Variants in RHBDD2 observed in about 807,000 individuals in gnomAD.
RHBDD2 encodes the protein rhomboid domain containing 2, also known as rhomboid domain-containing protein 2.
In RHBDD2, 13 loss-of-function variants were observed where a neutral mutation model predicts 21.7. The observed-to-expected ratio is 0.60, with a 90% CI of 0.39 to 0.95. RHBDD2 has a LOEUF of 0.95. Ranked by LOEUF, RHBDD2 falls within the 40% of genes least tolerant of loss-of-function variation. The pLI, the probability that RHBDD2 is intolerant of heterozygous loss-of-function variation, is 0.00. For missense variants in RHBDD2, 473 were observed against 478.9 expected (o/e 0.99, Z 0.11); for synonymous variants, 225 against 220.0 (o/e 1.02, Z -0.20).
intron 1 of RHBDD2, among the ~76,000 whole-genome samples, chr7:75,880,739 T>G (rs1805275441): frequency 1.3e-5 from 2 of 152,042 alleles, no homozygotes; most frequent in Non-Finnish European, 1.5e-5. Flanking sequence ...CTTCTAAAAT[T>G]TTTTTAGAGA....
intron 3 of RHBDD2, among the ~76,000 whole-genome samples, chr7:75,884,607 G>A (rs1396057146): frequency 6.6e-6 from 1 of 152,212 alleles, no homozygotes; most frequent in Admixed American, 6.5e-5. Context: ...GCGGCAGATT[G>A]GAAAATAATG....
At chr7:75,883,958 A>G (rs1407725805) in intron 3 of RHBDD2, 110 bp downstream of exon 3, 4 of 820,792 alleles carry the variant, frequency 4.9e-6, no homozygotes, top group Non-Finnish European at 5.5e-6. Flanking sequence ...GCAGTGGCAC[A>G]ATCTCGGCTC....
At chr7:75,883,518 C>CAAA in intron 2 of RHBDD2, 180 bp from the exon 3 acceptor site, 10 of 441,716 alleles carry the variant, frequency 2.3e-5, no homozygotes, top group East Asian at 7.9e-5. Flanking sequence ...GACTCCATCT[C>CAAA]AAAAAAAAAA....
intron 1 of RHBDD2, chr7:75,881,305 G>C: frequency 8.0e-7 from 1 of 1,246,344 alleles, no homozygotes; most frequent in South Asian, 1.2e-5. Flanking sequence ...GTTAATGATA[G>C]TGTTATAATT....
At chr7:75,881,243 G>A (rs7807392) in intron 1 of RHBDD2, 150,279 of 781,818 alleles carry the variant, frequency 0.19, 16,609 homozygotes, top group African/African-American at 0.38. Context: ...GTTTACCTGT[G>A]AGATCGGATA....
chr7:75,888,017 C>T lies in RHBDD2; in HGVS notation c.763C>T (p.Pro255Ser), dbSNP rs1049421243. The change falls in exon 4 of 4, where the codon CCC becomes TCC. Residue 255 changes from proline to serine, a missense_variant. Pro to Ser is a moderately conservative substitution (Grantham distance 74). Transcript: ENST00000006777. The stretch of plus-strand genomic sequence containing the variant: ...ACTGAACCCGGTGCCTGGCTCCTAC[C>T]CCACACAGAGCTGCCACCCTCACCT... Reference protein sequence around the residue: ...RKLNPVPGSYPTQSCHPHLSP... With the variant: ...RKLNPVPGSYSTQSCHPHLSP... The T allele has an allele frequency of 6.2e-7, 1 of 1,613,128 alleles. No homozygotes were observed. Among genetic ancestry groups the T allele is most frequent in the Non-Finnish European group, 8.5e-7 (1 of 1,179,870 alleles).
Position 75,883,716 on chromosome 7 carries a change from A to G in RHBDD2, c.605A>G (p.Tyr202Cys). Reference sequence around the variant, plus strand: ...ACCTCAGATGGCCTCACCTACTGCTATTCCATCGACCTCTCAGAGCGAGTG... The same window carrying G: ...ACCTCAGATGGCCTCACCTACTGCTGTTCCATCGACCTCTCAGAGCGAGTG... Reference protein sequence around the residue: ...IGLAYGLTYCYSIDLSERVAL... With the variant: ...IGLAYGLTYCCSIDLSERVAL... The change falls in exon 3 of 4, where the codon TAT (tyrosine) becomes TGT (cysteine). Residue 202 changes from tyrosine (Y) to cysteine (C), a missense_variant. Physicochemically the swap from Tyr to Cys is radical, Grantham distance 194. Coordinates refer to ENST00000006777, the MANE Select transcript of RHBDD2 (RefSeq NM_001040456.3). 1 of 1,613,442 alleles carries G rather than the reference A, an allele frequency of 6.2e-7. No homozygotes were observed. Among genetic ancestry groups the G allele is most frequent in the Non-Finnish European group, 8.5e-7 (1 of 1,179,770 alleles).
rs782554275 is a variant in RHBDD2, at chr7:75,888,098, T to G, written c.844T>G (p.Ser282Ala). Residue 282 changes from serine to alanine, a missense_variant, in exon 4 of 4, where the codon TCC becomes GCC. By Grantham distance (99) the Ser-to-Ala change is moderately conservative (BLOSUM62 1). Transcript: ENST00000006777. The stretch of plus-strand genomic sequence containing the variant: ...GCACGCCAGTGGTCAGAAGCTGGCC[T>G]CCTGGCCCTCCTGCACCCCCGGGCA... Reference protein sequence around the residue: ...TQHASGQKLASWPSCTPGHMP... With the variant: ...TQHASGQKLAAWPSCTPGHMP... 3.1e-6 allele frequency: 5 copies of G among 1,613,752 alleles called. No homozygotes were observed. Among genetic ancestry groups the G allele is most frequent in the Non-Finnish European group, 4.2e-6 (5 of 1,180,030 alleles).
intron 2 of RHBDD2, among the ~76,000 whole-genome samples, chr7:75,882,902 C>T (rs1805418250): frequency 6.6e-6 from 1 of 152,062 alleles, no homozygotes; most frequent in Non-Finnish European, 1.5e-5. Context: ...GGTCAGACGA[C>T]CAGGATACCA....
chr7:75,881,695 C>G, intron 1 of RHBDD2, 134 bp from the exon 2 acceptor site: 1 of 998,686 alleles, frequency 1.0e-6, no homozygotes, highest in Non-Finnish European at 1.5e-6. Context: ...CTTGTATTGC[C>G]TCCTGCTGCG....
chr7:75,881,990 T>C lies in RHBDD2; in HGVS notation c.340T>C (p.Phe114Leu). 2.5e-6 allele frequency: 4 copies of C among 1,614,248 alleles called. No homozygotes were observed. Among genetic ancestry groups the C allele is most frequent in the Non-Finnish European group, 3.4e-6 (4 of 1,180,048 alleles). ...CTTCGCCATCTTCTCCGCTATCATC[T>C]TCCTGTCATTCGAGGCTGTGTCATC... ...VIFAIFSAII[F>L]LSFEAVSSLS... is the part of the protein sequence containing the mutation. Residue 114 changes from phenylalanine to leucine, a missense_variant, in exon 2 of 4, where the codon TTC becomes CTC. Transcript: ENST00000006777.
chr7:75,883,659 C>G lies in RHBDD2; in HGVS notation c.587-39C>G, dbSNP rs552213974. On this transcript the variant is annotated intron_variant, in intron 2 of 3. Transcript: ENST00000006777. ...CCCGGGGAGTGTTCGGCCCTCCTCC[C>G]TTTGCTGCCTCCAGTTTCACTTAAC... 109 of 1,600,422 alleles carry G rather than the reference C, an allele frequency of 6.8e-5. No individual in the cohort carries two copies. In the South Asian group the frequency reaches 8.8e-4, roughly 13 times the overall value.
At position 75,879,157 on chromosome 7, in the gene RHBDD2, G is replaced by A; in HGVS notation, c.75G>A (p.Ala25=). ...TGCCATCCGCCACCTTCTTCACTGC[G>A]CTGCTCTCGCTGCTGGTTTCCGGGC... ...PEVPSATFFT[A]LLSLLVSGPR... The change falls in exon 1 of 4, where the codon GCG becomes GCA. Residue 25 remains alanine (A), a synonymous_variant. Coordinates refer to ENST00000006777, the MANE Select transcript of RHBDD2 (RefSeq NM_001040456.3). 1 of 1,499,496 alleles carries A rather than the reference G, an allele frequency of 6.7e-7. No individual in the cohort carries two copies. Among genetic ancestry groups the A allele is most frequent in the East Asian group, 2.9e-5 (1 of 34,666 alleles). 92.9% of individuals were successfully genotyped at this position (1,499,496 alleles called of 1,614,324 possible). A position where few individuals can be genotyped will look rare whatever the true frequency, so the allele number is the denominator to read the frequency against.
At chr7:75,883,636 C>G in intron 2 of RHBDD2, 62 bp from the exon 3 acceptor site, 1 of 1,466,580 alleles carries the variant, frequency 6.8e-7, no homozygotes, top group Non-Finnish European at 9.4e-7. Flanking sequence ...GTGTTCTCCC[C>G]GGGGAGTGTT....
chr7:75,888,600 ACAAGGCTCCTCGC>A lies in RHBDD2; in HGVS notation c.*257_*269del, dbSNP rs1805844090. The A allele has an allele frequency of 3.7e-5, 18 of 493,036 alleles. No individual in the cohort carries two copies. The East Asian group carries it at 5.9e-4, about 16-fold the overall frequency. The allele number at this position is 493,036 out of a possible 1,614,324, so 30.5% of individuals were successfully genotyped here. A position where few individuals can be genotyped will look rare whatever the true frequency, so the allele number is the denominator to read the frequency against. ...GTCACGTGGCTCTTTAGTAACACGG[ACAAGGCTCCTCGC>A]CAAGGAACTCGTGGCAGAAGAGGGC... On this transcript the variant is annotated 3_prime_UTR_variant, in exon 4 of 4. Transcript: ENST00000006777.
Position 75,879,198 on chromosome 7 carries a change from T to C in RHBDD2, c.116T>C (p.Leu39Pro), listed in dbSNP as rs575582380. The change falls in exon 1 of 4, where the codon CTG becomes CCG. Residue 39 changes from leucine to proline, a missense_variant. Leu to Pro is a moderately conservative substitution (Grantham distance 98). Coordinates refer to ENST00000006777, the MANE Select transcript of RHBDD2 (RefSeq NM_001040456.3). ...GTTTCCGGGCCTCGCCTGTTCCTGC[T>C]GCAGCAGCCCCTGGCGCCCTCGGGC... ...LLVSGPRLFL[L>P]QQPLAPSGLT... The C allele has an allele frequency of 1.5e-5, 23 of 1,520,388 alleles. No individual in the cohort carries two copies. In the East Asian group the frequency reaches 6.4e-4, roughly 42 times the overall value. The allele number at this position is 1,520,388 out of a possible 1,614,324, so 94.2% of individuals were successfully genotyped here.
In RHBDD2 at chr7:75,888,370, T is replaced by G. The variant is rs1554544579; in HGVS notation, c.*21T>G. ...CCTGAGAGAATTTCTAGGGAAGTCA[T>G]CTCACTTGGCCTTCTGAAGGTCCTC... On this transcript the variant is annotated 3_prime_UTR_variant, in exon 4 of 4. Transcript: ENST00000006777. 16 of 1,586,792 alleles carry G rather than the reference T, an allele frequency of 1.0e-5. No homozygotes were observed. The highest frequency in any genetic ancestry group is 1.3e-5 in the Non-Finnish European group (15 of 1,165,318).
chr7:75,885,121 A>G (rs79369517), intron 3 of RHBDD2, among the ~76,000 whole-genome samples: 1 of 149,364 alleles, frequency 6.7e-6, no homozygotes, highest in Non-Finnish European at 1.5e-5. Context: ...CTCCCAAGAA[A>G]AAAAAAAAAA....
At chr7:75,884,573 C>T (rs1805541144) in intron 3 of RHBDD2, among the ~76,000 whole-genome samples, 1 of 152,048 alleles carries the variant, frequency 6.6e-6, no homozygotes, top group Admixed American at 6.6e-5. Context: ...TGGTTTATTG[C>T]CGTAAGTGAT....
Sources: gnomAD v4.1 joint callset for allele counts (sites outside exome capture counted in the v4.1 genomes callset) on GRCh38, gnomAD v4.1.1 for gene constraint, MANE v1.5 for transcripts, NCBI Gene and HGNC (gene_info 2026-07-23, HGNC 2026-07-21) for gene names.